The following AP3D1 variants were observed in gnomAD, a reference collection of about 807,000 sequenced individuals.
AP3D1 encodes adaptor related protein complex 3 subunit delta 1.
AP3D1 carries 51 observed loss-of-function variants against 147.6 expected under a neutral mutation model. That is an observed-to-expected ratio of 0.35 (90% CI 0.28 to 0.44). AP3D1 has a LOEUF of 0.44. Ranked by LOEUF, AP3D1 falls within the 20% of genes least tolerant of loss-of-function variation. The probability of loss-of-function intolerance (pLI) is 1.00; values close to 1 mark genes in which losing one functional copy is unlikely to be tolerated. For synonymous variants in AP3D1, 760 were observed against 663.0 expected, an observed-to-expected ratio of 1.15 and a Z score of -2.25; for missense variants, 1,421 against 1,624.2, an observed-to-expected ratio of 0.87 and a Z score of 2.15.
At chr19:2,132,631 G>A (rs575178560) in intron 4 of AP3D1, 53 bp from the exon 5 acceptor site, 33 of 1,508,218 alleles carry the variant, frequency 2.2e-5, no homozygotes, top group East Asian at 4.6e-5. Context: ...TGGCACATCC[G>A]ACGCCTGGGT....
In AP3D1 at chr19:2,109,870, C is replaced by T; in HGVS notation, c.3350+3G>A. 6.2e-7 allele frequency: 1 copy of T among 1,613,510 alleles called. No individual in the cohort carries two copies. On this transcript the variant is annotated splice_donor_region_variant and intron_variant, in intron 29 of 31. Coordinates refer to ENST00000643116, the MANE Select transcript of AP3D1 (RefSeq NM_001261826.3). ...GACATAGGGGAGTGGGCCTGGGCCC[C>T]ACCTGTAGCAGGGAGTGGTGATCAA...
chr19:2,130,718 CCT>C lies in AP3D1; in HGVS notation c.463-183_463-182del, dbSNP rs1417064676. On this transcript the variant is annotated intron_variant, in intron 5 of 31. Transcript: ENST00000643116. Reference sequence around the variant, plus strand: ...GCATGGAAGCCAGCCTCACTGTGCCCCTGACTCAGGCCTGCCCTCCAGAGAGA... The same window carrying C: ...GCATGGAAGCCAGCCTCACTGTGCCCGACTCAGGCCTGCCCTCCAGAGAGA... 1.2e-4 allele frequency among the ~76,000 whole-genome samples: 18 copies of C among 152,320 alleles called. 1 individual carries two copies. The South Asian group carries it at 2.9e-3, about 25-fold the overall frequency.
intron 21 of AP3D1, 138 bp from the exon 22 acceptor site, chr19:2,114,440 A>T: frequency 1.3e-6 from 1 of 748,874 alleles, no homozygotes; most frequent in East Asian, 2.6e-5. Context: ...CCCAACATAG[A>T]TCTACTCAAC....
intron 6 of AP3D1, 84 bp downstream of exon 6, chr19:2,130,324 C>T: frequency 6.3e-7 from 1 of 1,582,610 alleles, no homozygotes; most frequent in Non-Finnish European, 8.6e-7. Context: ...CCCGCAGCAC[C>T]CCCCAAAACA....
Position 2,109,133 on chromosome 19 carries a change from G to A in AP3D1, c.3425C>T (p.Ser1142Phe), listed in dbSNP as rs1219941004. The change falls in exon 30 of 32, where the codon TCC becomes TTC. Residue 1142 changes from serine to phenylalanine, a missense_variant. Coordinates refer to ENST00000643116, the MANE Select transcript of AP3D1 (RefSeq NM_001261826.3). ...GATCTTCGCCAGAAGATTCTGGAAG[G>A]ACATCCGAATGCCATCGACTTTGAT... ...SSIKVDGIRM[S>F]FQNLLAKICF... 5 of 1,609,428 alleles carry A rather than the reference G, an allele frequency of 3.1e-6. No individual in the cohort carries two copies. The highest frequency in any genetic ancestry group is 1.1e-5 in the South Asian group (1 of 90,240).
intron 29 of AP3D1, 121 bp downstream of exon 29, chr19:2,109,752 G>A (rs1599441167): frequency 1.7e-5 from 16 of 945,710 alleles, no homozygotes; most frequent in East Asian, 2.5e-5. Context: ...ACGAGCCAGC[G>A]CCTCCAAATC....
chr19:2,108,473 A>G (rs1273484453), intron 31 of AP3D1, among the ~76,000 whole-genome samples: 1 of 152,182 alleles, frequency 6.6e-6, no homozygotes, highest in African/African-American at 2.4e-5. Context: ...GCCTGCGGTG[A>G]GCAGCGCAGC....
chr19:2,118,558 G>C (rs757512547), intron 15 of AP3D1, 43 bp downstream of exon 15: 11 of 1,568,198 alleles, frequency 7.0e-6, no homozygotes, highest in Non-Finnish European at 8.7e-6. Flanking sequence ...AAGGCACTGA[G>C]GGCTCCCTGA....
chr19:2,156,334 C>T (rs1403249709), upstream of AP3D1, among the ~76,000 whole-genome samples: 1 of 152,080 alleles, frequency 6.6e-6, no homozygotes, highest in African/African-American at 2.4e-5. Context: ...CCTTCCACCT[C>T]CCCATCCACC....
At position 2,110,736 on chromosome 19, in the gene AP3D1, C is replaced by A. The variant is rs573454363; in HGVS notation, c.3146G>T (p.Gly1049Val). 2 of 1,607,746 alleles carry A rather than the reference C, an allele frequency of 1.2e-6. No individual in the cohort carries two copies. Among genetic ancestry groups the A allele is most frequent in the South Asian group, 2.2e-5 (2 of 90,228 alleles). The change falls in exon 27 of 32, where the codon GGC becomes GTC. Residue 1049 changes from glycine (G) to valine (V), a missense_variant. By Grantham distance (109) the Gly-to-Val change is moderately radical (BLOSUM62 -3). Coordinates refer to ENST00000643116, the MANE Select transcript of AP3D1 (RefSeq NM_001261826.3). ...ARPQGSSVHD[G>V]VPVPFQLPPG... ...GGGCAGCTGGAAAGGCACGGGGACG[C>A]CATCGTGGACGGAGGAGCCCTGCGG...
intron 15 of AP3D1, 136 bp downstream of exon 15, chr19:2,118,465 G>T: frequency 1.2e-6 from 1 of 860,044 alleles, no homozygotes; most frequent in Non-Finnish European, 1.8e-6. Flanking sequence ...ACCCCAGCTG[G>T]CACAAGTGGC....
At chr19:2,110,291 G>A (rs1433205541) in intron 27 of AP3D1, 67 bp from the exon 28 acceptor site, 4 of 1,382,150 alleles carry the variant, frequency 2.9e-6, no homozygotes, top group Non-Finnish European at 4.1e-6. Flanking sequence ...GGGCCTCCAG[G>A]TCTGTCCTCA....
In AP3D1 at chr19:2,114,700, G is replaced by C; in HGVS notation, c.2423+48C>G. The stretch of plus-strand genomic sequence containing the variant: ...GGAAGGGAGGACGAGAGGAAGGGAA[G>C]CAACCACATGTGGCCTCCACCCTCA... On this transcript the variant is annotated intron_variant, in intron 21 of 31. Coordinates refer to ENST00000643116, the MANE Select transcript of AP3D1 (RefSeq NM_001261826.3). 4 of 1,429,436 alleles carry C rather than the reference G, an allele frequency of 2.8e-6. No homozygotes were observed. The South Asian group carries it at 3.4e-5, about 12-fold the overall frequency. 88.5% of individuals were successfully genotyped at this position (1,429,436 alleles called of 1,614,324 possible). A position where few individuals can be genotyped will look rare whatever the true frequency, so the allele number is the denominator to read the frequency against.
At chr19:2,104,699 C>T (rs1224189507) in intron 31 of AP3D1, among the ~76,000 whole-genome samples, 1 of 143,594 alleles carries the variant, frequency 7.0e-6, no homozygotes, top group Admixed American at 7.0e-5. Flanking sequence ...TGGAGTCTCA[C>T]TCTGTTGCCC....
chr19:2,106,524 G>A (rs577491685), intron 31 of AP3D1, among the ~76,000 whole-genome samples: 6 of 151,952 alleles, frequency 3.9e-5, no homozygotes, highest in Admixed American at 2.6e-4. Flanking sequence ...TCTAGCCTGG[G>A]TAACAGAACA....
intron 31 of AP3D1, among the ~76,000 whole-genome samples, chr19:2,105,634 A>G (rs2144992295): frequency 6.6e-6 from 1 of 152,072 alleles, no homozygotes; most frequent in South Asian, 2.1e-4. Flanking sequence ...AGACTGTGAG[A>G]TCCCTGATTT....
At chr19:2,116,562 G>A (rs571417695) in intron 17 of AP3D1, 43 bp downstream of exon 17, 15 of 1,528,776 alleles carry the variant, frequency 9.8e-6, no homozygotes, top group African/African-American at 5.5e-5. Context: ...CCTGGGACAG[G>A]AGGGAGGAGA....
rs1432722642 is a variant in AP3D1, at chr19:2,114,158, T to C, written c.2568A>G (p.Arg856=). Residue 856 remains arginine (R), a synonymous_variant, in exon 22 of 32, where the codon AGA becomes AGG. Transcript: ENST00000643116. Reference sequence around the variant, plus strand: ...CCTTCTCCTTCTTCTTCTCCTTGTCTCTCTCTTTCTCTTTGTGTTTTTTCT... The same window carrying C: ...CCTTCTCCTTCTTCTTCTCCTTGTCCCTCTCTTTCTCTTTGTGTTTTTTCT... The part of the protein sequence containing the change: ...KKEKKHKEKE[R]DKEKKKEKEK... The C allele has an allele frequency of 6.4e-7, 1 of 1,572,566 alleles. No individual in the cohort carries two copies. Among genetic ancestry groups the C allele is most frequent in the Non-Finnish European group, 8.6e-7 (1 of 1,158,512 alleles).
At chr19:2,139,288 C>T (rs1018853008) in intron 1 of AP3D1, among the ~76,000 whole-genome samples, 2 of 152,104 alleles carry the variant, frequency 1.3e-5, no homozygotes, top group Non-Finnish European at 2.9e-5. Flanking sequence ...GCTATACACG[C>T]CCCACCGTTT....
Sources: gnomAD v4.1 joint callset for allele counts (sites outside exome capture counted in the v4.1 genomes callset) on GRCh38, gnomAD v4.1.1 for gene constraint, MANE v1.5 for transcripts, NCBI Gene and HGNC (gene_info 2026-07-23, HGNC 2026-07-21) for gene names.